The following VPS33B variants were observed in gnomAD, a reference collection of about 807,000 sequenced individuals.
VPS33B encodes the protein vacuolar protein sorting-associated protein 33B.
Under a neutral mutation model 95.3 loss-of-function variants are expected in VPS33B, and 80 were observed. The observed-to-expected ratio is 0.84, with a 90% confidence interval of 0.70 to 1.01. The LOEUF is 1.01. VPS33B is among the 50% of genes least tolerant of loss of function. VPS33B has a pLI of 0.00. For missense variants in VPS33B, 715 were observed against 773.4 expected (o/e 0.92, Z 0.90); for synonymous variants, 280 against 280.4 (o/e 1.00, Z 0.01).
In VPS33B at chr15:91,011,105, C is replaced by T. The variant is rs74037610; in HGVS notation, c.358-1259G>A. ...ATGGAGAAGGAAAGCAGAAATGGGG[C>T]CAAGAACTGGCATGGAACAGCTCAT... is the stretch of plus-strand genomic sequence containing the variant. On this transcript the variant is annotated intron_variant, in intron 5 of 22. Coordinates refer to ENST00000333371, the MANE Select transcript of VPS33B (RefSeq NM_018668.5). This position sits in a 1 kb window ranked among gnomAD's most constrained non-coding sequence, Gnocchi z 5.5. Among the ~76,000 whole-genome samples the T allele has an allele frequency of 7.7e-3, 1,172 of 152,258 alleles. 21 individuals are homozygous for T. The highest frequency in any genetic ancestry group is 0.027 in the African/African-American group (1,108 of 41,558).
Position 91,007,607 on chromosome 15 carries a change from T to C in VPS33B, c.499-34A>G. The C allele has an allele frequency of 1.9e-6, 3 of 1,609,244 alleles. No individual in the cohort carries two copies. The highest frequency in any genetic ancestry group is 2.6e-6 in the Non-Finnish European group (3 of 1,175,630). On this transcript the variant is annotated intron_variant, in intron 7 of 22. Coordinates refer to ENST00000333371, the MANE Select transcript of VPS33B (RefSeq NM_018668.5). This position sits in a 1 kb window ranked among gnomAD's most constrained non-coding sequence, Gnocchi z 5.3. ...ACCACACAAGCCACAAAGATATGAA[T>C]CAACCCAGTAGGACCACCTGGAAAG...
intron 6 of VPS33B, among the ~76,000 whole-genome samples, chr15:91,008,452 A>G (rs545005622): frequency 1.3e-5 from 2 of 152,204 alleles, no homozygotes; most frequent in African/African-American, 4.8e-5. Flanking sequence ...TTTGGCAGAG[A>G]CGGGGTTTTG....
chr15:91,016,375 CTTTTTTTTT>C lies in VPS33B; in HGVS notation c.239+579_239+587del, dbSNP rs796637381. ...GTAATAAGAGGCCTTGCAGATTCTT[CTTTTTTTTT>C]TTTTTTTTTTTTTTTTGAGATGGAG... On this transcript the variant is annotated intron_variant, in intron 3 of 22. Coordinates refer to ENST00000333371, the MANE Select transcript of VPS33B (RefSeq NM_018668.5). Among the ~76,000 whole-genome samples, 143 of 96,022 alleles carry C rather than the reference CTTTTTTTTT, an allele frequency of 1.5e-3. No homozygotes were observed. The Middle Eastern group carries it at 0.029, about 19-fold the overall frequency. 63.0% of individuals were successfully genotyped at this position (96,022 alleles called of 152,430 possible).
chr15:91,005,135 G>A lies in VPS33B; in HGVS notation c.1106-16C>T. ...TCTAGCAGTGCTGTGAGTAATCAGAGGAGAGCCTGTTACTGGGGGCCAGCT... is the reference window on the plus strand; with the variant it reads ...TCTAGCAGTGCTGTGAGTAATCAGAAGAGAGCCTGTTACTGGGGGCCAGCT... On this transcript the variant is annotated splice_polypyrimidine_tract_variant and intron_variant, in intron 14 of 22. Transcript: ENST00000333371. The surrounding 1 kb of genome is among the most constrained non-coding windows in gnomAD (Gnocchi z 6.4). 6.2e-7 allele frequency: 1 copy of A among 1,614,162 alleles called. No homozygotes were observed. Among genetic ancestry groups the A allele is most frequent in the East Asian group, 2.2e-5 (1 of 44,886 alleles).
chr15:91,019,746 T>C (rs1567231045), intron 1 of VPS33B, among the ~76,000 whole-genome samples: 1 of 151,974 alleles, frequency 6.6e-6, no homozygotes, highest in African/African-American at 2.4e-5. Context: ...GAAAGAGGCC[T>C]GATTTAGGCT....
intron 3 of VPS33B, 33 bp downstream of exon 3, chr15:91,016,930 T>C (rs1242366618): frequency 6.2e-7 from 1 of 1,611,646 alleles, no homozygotes; most frequent in African/African-American, 1.3e-5. Context: ...CTCTTCCAGC[T>C]TGGAGTAGGG....
rs760168440 is a variant in VPS33B at position 91,006,011 on chromosome 15, A to G, written c.901T>C (p.Leu301=). The change falls in exon 12 of 23, where the codon TTG becomes CTG. Residue 301 remains leucine (L), a synonymous_variant. Coordinates refer to ENST00000333371, the MANE Select transcript of VPS33B (RefSeq NM_018668.5). The surrounding 1 kb of genome is among the most constrained non-coding windows in gnomAD (Gnocchi z 5.4). ...NEHFSNVFGF[L]SQKARNLQAQ... ...TGCAAGTTCCGGGCCTTCTGGCTCA[A>G]GAAGCCAAAGACATTGGAGAAGTGC... The G allele has an allele frequency of 1.2e-6, 2 of 1,614,228 alleles. No homozygotes were observed. The highest frequency in any genetic ancestry group is 1.1e-5 in the South Asian group (1 of 91,084).
Position 91,021,009 on chromosome 15 carries a change from A to G in VPS33B, c.96+1145T>C, listed in dbSNP as rs2041086268. Among the ~76,000 whole-genome samples the G allele has an allele frequency of 1.3e-5, 2 of 152,222 alleles. 1 individual carries two copies. Among genetic ancestry groups the G allele is most frequent in the East Asian group, 3.8e-4 (2 of 5,204 alleles). On this transcript the variant is annotated intron_variant, in intron 1 of 22. Coordinates refer to ENST00000333371, the MANE Select transcript of VPS33B (RefSeq NM_018668.5). ...TCTACATTTCTATCTGCTGGATGTT[A>G]CAAGCTATATTTCTTACGGGCATCT...
chr15:91,000,248 T>A lies in VPS33B; in HGVS notation c.1581+242A>T, dbSNP rs773556797. 7.2e-5 allele frequency among the ~76,000 whole-genome samples: 11 copies of A among 152,082 alleles called. No individual in the cohort carries two copies. Among genetic ancestry groups the A allele is most frequent in the Non-Finnish European group, 1.6e-4 (11 of 68,022 alleles). On this transcript the variant is annotated intron_variant, in intron 20 of 22. Coordinates refer to ENST00000333371, the MANE Select transcript of VPS33B (RefSeq NM_018668.5). The surrounding 1 kb of genome is among the most constrained non-coding windows in gnomAD (Gnocchi z 4.9). Reference sequence around the variant, plus strand: ...CCCATCTCTACTAAAAATACAAAAATTAGCTGGGTGCAGTGGCACATGCCT... The same window carrying A: ...CCCATCTCTACTAAAAATACAAAAAATAGCTGGGTGCAGTGGCACATGCCT...
intron 17 of VPS33B, 55 bp downstream of exon 17, chr15:91,003,030 G>A (rs1195106645): frequency 1.3e-6 from 2 of 1,591,306 alleles, no homozygotes; most frequent in African/African-American, 2.7e-5. Context: ...TTTCAAAAAT[G>A]CCCAATAACT....
At position 91,017,018 on chromosome 15, in the gene VPS33B, C is replaced by A; in HGVS notation, c.184G>T (p.Glu62Ter). ...TCCACCTTGTATAGCTTGTCTACTTCGTGTTGCTACAGAGAGAATCCAATA... is the reference window on the plus strand; with the variant it reads ...TCCACCTTGTATAGCTTGTCTACTTAGTGTTGCTACAGAGAGAATCCAATA... Reference protein sequence around the residue: ...IANVSILKQHEVDKLYKVENK... With the variant: ...IANVSILKQH The change falls in exon 3 of 23, where the codon GAA becomes TAA. Residue 62 changes from glutamate to a stop codon, truncating the protein, a stop_gained. Coordinates refer to ENST00000333371, the MANE Select transcript of VPS33B (RefSeq NM_018668.5). LOFTEE classifies it high-confidence loss of function. The A allele has an allele frequency of 1.2e-6, 2 of 1,613,890 alleles. No individual in the cohort carries two copies. Among genetic ancestry groups the A allele is most frequent in the Non-Finnish European group, 1.7e-6 (2 of 1,179,938 alleles).
chr15:91,010,466 G>T lies in VPS33B; in HGVS notation c.358-620C>A, dbSNP rs2040749692. On this transcript the variant is annotated intron_variant, in intron 5 of 22. Transcript: ENST00000333371. This position sits in a 1 kb window ranked among gnomAD's most constrained non-coding sequence, Gnocchi z 5.7. ...ACAATGCAAAAATTAGCTGGGCATG[G>T]TGGTGTGTGCCTGTAGTCCAGTTAC... Among the ~76,000 whole-genome samples the T allele has an allele frequency of 6.6e-6, 1 of 152,154 alleles. No individual in the cohort carries two copies. Among genetic ancestry groups the T allele is most frequent in the Admixed American group, 6.5e-5 (1 of 15,272 alleles).
chr15:91,021,509 A>G (rs2041100579), intron 1 of VPS33B, among the ~76,000 whole-genome samples: 1 of 152,190 alleles, frequency 6.6e-6, no homozygotes, highest in South Asian at 2.1e-4. Flanking sequence ...CTTGTTGCCC[A>G]TTTACGCCAC....
rs1212095588 is a variant in VPS33B, at chr15:91,018,561, A to T, written c.97-676T>A. Among the ~76,000 whole-genome samples, 1 of 152,234 alleles carries T rather than the reference A, an allele frequency of 6.6e-6. No individual in the cohort carries two copies. The highest frequency in any genetic ancestry group is 1.5e-5 in the Non-Finnish European group (1 of 68,042). On this transcript the variant is annotated intron_variant, in intron 1 of 22. Transcript: ENST00000333371. The surrounding 1 kb of genome is among the most constrained non-coding windows in gnomAD (Gnocchi z 4.7). ...TGAAGAGGACAGTCCAGCAAAGATCAGAAAGAGAGCATAGGCTGTGTAGTA... is the reference window on the plus strand; with the variant it reads ...TGAAGAGGACAGTCCAGCAAAGATCTGAAAGAGAGCATAGGCTGTGTAGTA...
rs778377565 is a variant in VPS33B at position 90,999,899 on chromosome 15, C to T, written c.1657+1G>A. The T allele has an allele frequency of 2.5e-6, 4 of 1,614,106 alleles. No homozygotes were observed. The highest frequency in any genetic ancestry group is 3.4e-6 in the Non-Finnish European group (4 of 1,180,050). On this transcript the variant is annotated splice_donor_variant, in intron 21 of 22. Transcript: ENST00000333371. LOFTEE classifies it high-confidence loss of function. The surrounding 1 kb of genome is among the most constrained non-coding windows in gnomAD (Gnocchi z 5.1). Reference sequence around the variant, plus strand: ...CCTACCCCACTGTTAATGCCACATACCTGTGAATGCAAAGTCACTGCAGTT... The same window carrying T: ...CCTACCCCACTGTTAATGCCACATATCTGTGAATGCAAAGTCACTGCAGTT...
At position 90,999,954 on chromosome 15, in the gene VPS33B, G is replaced by A; in HGVS notation, c.1603C>T (p.Gln535Ter). 1 of 1,614,212 alleles carries A rather than the reference G, an allele frequency of 6.2e-7. No homozygotes were observed. Among genetic ancestry groups the A allele is most frequent in the South Asian group, 1.1e-5 (1 of 91,086 alleles). ...IEQVLERRSW[Q>*]GLDEVVRLLN... ...AGCCGTACCACCTCATCAAGGCCCTGCCAGCTTCGCCGCTCTAGCACCTGG... is the reference window on the plus strand; with the variant it reads ...AGCCGTACCACCTCATCAAGGCCCTACCAGCTTCGCCGCTCTAGCACCTGG... The change falls in exon 21 of 23, where the codon CAG becomes TAG. Residue 535 changes from glutamine (Q) to a stop codon, truncating the protein, a stop_gained. Coordinates refer to ENST00000333371, the MANE Select transcript of VPS33B (RefSeq NM_018668.5). LOFTEE classifies it high-confidence loss of function. The surrounding 1 kb of genome is among the most constrained non-coding windows in gnomAD (Gnocchi z 5.1).
Position 91,015,050 on chromosome 15 carries a change from CAT to C in VPS33B, c.240-619_240-618del, listed in dbSNP as rs372583346. On this transcript the variant is annotated intron_variant, in intron 3 of 22. Coordinates refer to ENST00000333371, the MANE Select transcript of VPS33B (RefSeq NM_018668.5). The surrounding 1 kb of genome is among the most constrained non-coding windows in gnomAD (Gnocchi z 4.7). Reference sequence around the variant, plus strand: ...ACCCCGTCTCTACTAAAAATACAAACATTGGCTGGGCATGGTGGCTCACACCT... The same window carrying C: ...ACCCCGTCTCTACTAAAAATACAAACTGGCTGGGCATGGTGGCTCACACCT... Among the ~76,000 whole-genome samples the C allele has an allele frequency of 7.5e-6, 1 of 133,042 alleles. No individual in the cohort carries two copies. Among genetic ancestry groups the C allele is most frequent in the African/African-American group, 2.9e-5 (1 of 34,866 alleles). 87.3% of individuals were successfully genotyped at this position (133,042 alleles called of 152,430 possible). A position where few individuals can be genotyped will look rare whatever the true frequency, so the allele number is the denominator to read the frequency against.
rs1276828716 is a variant in VPS33B at position 91,013,152 on chromosome 15, G to A, written c.357+652C>T. 6.6e-6 allele frequency among the ~76,000 whole-genome samples: 1 copy of A among 152,190 alleles called. No homozygotes were observed. ...CTAGAGTTTGTGTTAGGGATACAGA[G>A]CAGGTTCTACCTCGCAAGCGTGAAG... On this transcript the variant is annotated intron_variant, in intron 5 of 22. Transcript: ENST00000333371. The surrounding 1 kb of genome is among the most constrained non-coding windows in gnomAD (Gnocchi z 4.5).
chr15:91,009,300 C>CTCTCTT lies in VPS33B; in HGVS notation c.403+500_403+501insAAGAGA, dbSNP rs1555459363. ...CTTTTCTTTTATTTTCTTTCTCTCT[C>CTCTCTT]TCTTTCTTTCTTCCTTCCTTCCTTT... On this transcript the variant is annotated intron_variant, in intron 6 of 22. Coordinates refer to ENST00000333371, the MANE Select transcript of VPS33B (RefSeq NM_018668.5). This position sits in a 1 kb window ranked among gnomAD's most constrained non-coding sequence, Gnocchi z 4.1. Among the ~76,000 whole-genome samples, 26,701 of 150,582 alleles carry CTCTCTT rather than the reference C, an allele frequency of 0.18. 3,629 individuals are homozygous for CTCTCTT. The highest frequency in any genetic ancestry group is 0.38 in the African/African-American group (15,550 of 40,700).
Sources: gnomAD v4.1 joint callset for allele counts (sites outside exome capture counted in the v4.1 genomes callset) on GRCh38, gnomAD v4.1.1 for gene constraint, Gnocchi (gnomAD v3.1) non-coding constraint, MANE v1.5 for transcripts, NCBI Gene and HGNC (gene_info 2026-07-23, HGNC 2026-07-21) for gene names.